Variants in PCYOX1 observed in about 807,000 individuals in gnomAD.
The protein encoded by PCYOX1 is prenylcysteine lyase.
PCYOX1 carries 46 observed loss-of-function variants against 46.4 expected under a neutral mutation model. That is an observed-to-expected ratio of 0.99 (90% confidence interval 0.78 to 1.27). PCYOX1 has a LOEUF of 1.27. PCYOX1 is among the 50% of genes most tolerant of loss of function. The pLI is 0.00. For missense variants in PCYOX1, 658 were observed against 628.3 expected, an observed-to-expected ratio of 1.05 and a Z score of -0.51; for synonymous variants, 220 against 231.8, an observed-to-expected ratio of 0.95 and a Z score of 0.46.
In PCYOX1 at chr2:70,278,719, C is replaced by T. The variant is rs1433051643; in HGVS notation, c.*1327C>T. On this transcript the variant is annotated 3_prime_UTR_variant, in exon 6 of 6. Transcript: ENST00000433351. ...TGGAATCACCTGTAGGGTTTTAAAG[C>T]ATCCAAATGGTAATTAACAGGCAGC... 2 of 152,178 alleles carry T rather than the reference C, an allele frequency of 1.3e-5. No individual in the cohort carries two copies. Among genetic ancestry groups the T allele is most frequent in the Non-Finnish European group, 2.9e-5 (2 of 68,042 alleles). 9.4% of individuals were successfully genotyped at this position (152,178 alleles called of 1,614,324 possible). A position where few individuals can be genotyped will look rare whatever the true frequency, so the allele number is the denominator to read the frequency against.
intron 3 of PCYOX1, among the ~76,000 whole-genome samples, chr2:70,269,810 C>G (rs919454314): frequency 6.6e-6 from 1 of 151,984 alleles, no homozygotes; most frequent in Non-Finnish European, 1.5e-5. Flanking sequence ...TAAAGACAAG[C>G]CTTCAGGATA....
In PCYOX1 at chr2:70,259,441, T is replaced by A. The variant is rs1305410522; in HGVS notation, c.194T>A (p.Leu65Gln). The change falls in exon 2 of 6, where the codon CTG (leucine) becomes CAG (glutamine). Residue 65 changes from leucine to glutamine, a missense_variant. Coordinates refer to ENST00000433351, the MANE Select transcript of PCYOX1 (RefSeq NM_016297.4). Reference sequence around the variant, plus strand: ...TTTGGGAAAGATGTGAAGATAGACCTGTTTGAAAGAGAAGAGGTCGGGGGC... The same window carrying A: ...TTTGGGAAAGATGTGAAGATAGACCAGTTTGAAAGAGAAGAGGTCGGGGGC... ...QKFGKDVKIDLFEREEVGGRL... is the reference protein window; with the variant it reads ...QKFGKDVKIDQFEREEVGGRL... 1 of 1,614,130 alleles carries A rather than the reference T, an allele frequency of 6.2e-7. No individual in the cohort carries two copies. The highest frequency in any genetic ancestry group is 1.1e-5 in the South Asian group (1 of 91,084).
chr2:70,258,368 C>T (rs998558278), intron 1 of PCYOX1, 92 bp downstream of exon 1: 2 of 783,500 alleles, frequency 2.6e-6, no homozygotes, highest in Admixed American at 3.4e-5. Context: ...ACAGCCGCGA[C>T]GCAGTCCAGC....
chr2:70,270,341 G>A (rs1171134243), intron 3 of PCYOX1, among the ~76,000 whole-genome samples: 1 of 152,114 alleles, frequency 6.6e-6, no homozygotes, highest in African/African-American at 2.4e-5. Flanking sequence ...AAAGGCTTTG[G>A]TTTATCTGCA....
Position 70,261,320 on chromosome 2 carries a change from G to A in PCYOX1, c.428G>A (p.Trp143Ter). The A allele has an allele frequency of 6.2e-7, 1 of 1,612,150 alleles. No individual in the cohort carries two copies. The highest frequency in any genetic ancestry group is 8.5e-7 in the Non-Finnish European group (1 of 1,178,170). ...ATAATTAACGTGATTAAATTAGTTTGGCGCTATGGATTTCAATCCCTCCGT... is the reference window on the plus strand; with the variant it reads ...ATAATTAACGTGATTAAATTAGTTTAGCGCTATGGATTTCAATCCCTCCGT... Reference protein sequence around the residue: ...WFIINVIKLVWRYGFQSLRMH... With the variant: ...WFIINVIKLV The change falls in exon 3 of 6, where the codon TGG becomes TAG. Residue 143 changes from tryptophan (W) to a stop codon, truncating the protein, a stop_gained. Coordinates refer to ENST00000433351, the MANE Select transcript of PCYOX1 (RefSeq NM_016297.4). LOFTEE classifies it high-confidence loss of function.
chr2:70,275,430 G>T, intron 4 of PCYOX1, 84 bp from the exon 5 acceptor site: 1 of 1,381,346 alleles, frequency 7.2e-7, no homozygotes, highest in Non-Finnish European at 1.0e-6. Flanking sequence ...ATTTGGAGTA[G>T]AACATGTAAT....
intron 3 of PCYOX1, among the ~76,000 whole-genome samples, chr2:70,274,378 A>G (rs1696638779): frequency 6.6e-6 from 1 of 151,072 alleles, no homozygotes; most frequent in Non-Finnish European, 1.5e-5. Context: ...TTGTATTTTT[A>G]GTAGAGACGG....
chr2:70,275,402 T>G, intron 4 of PCYOX1, 112 bp from the exon 5 acceptor site: 4 of 1,161,652 alleles, frequency 3.4e-6, no homozygotes, highest in Non-Finnish European at 5.0e-6. Context: ...CAGGGGCCAT[T>G]TAGCAATGTC....
At chr2:70,276,446 T>C (rs1172810386) in intron 5 of PCYOX1, among the ~76,000 whole-genome samples, 6 of 152,188 alleles carry the variant, frequency 3.9e-5, no homozygotes, top group African/African-American at 1.4e-4. Context: ...GACCTCGTGA[T>C]CCACCCACCT....
chr2:70,261,487 C>A, intron 3 of PCYOX1, 101 bp downstream of exon 3: 1 of 803,112 alleles, frequency 1.2e-6, no homozygotes, highest in East Asian at 2.5e-5. Flanking sequence ...CATTTTCTAC[C>A]TCACAGCAAG....
intron 3 of PCYOX1, among the ~76,000 whole-genome samples, chr2:70,272,053 G>T (rs979457968): frequency 6.6e-6 from 1 of 151,790 alleles, no homozygotes; most frequent in African/African-American, 2.4e-5. Context: ...CCAGAAAATG[G>T]CATGGTTTTT....
intron 3 of PCYOX1, among the ~76,000 whole-genome samples, chr2:70,265,028 C>G (rs948546313): frequency 6.6e-6 from 1 of 151,940 alleles, no homozygotes; most frequent in African/African-American, 2.4e-5. Flanking sequence ...CGAAAGAGGG[C>G]TCAAGCTTGT....
Position 70,280,731 on chromosome 2 carries a change from T to G in PCYOX1, c.*3339T>G, listed in dbSNP as rs1361597619. The G allele has an allele frequency of 2.0e-5, 3 of 152,216 alleles. No homozygotes were observed. Among genetic ancestry groups the G allele is most frequent in the Non-Finnish European group, 4.4e-5 (3 of 68,036 alleles). The allele number at this position is 152,216 out of a possible 1,614,324, so 9.4% of individuals were successfully genotyped here. ...CCTTATTGATTGTTAGTTTGATCCC[T>G]CTTGTTCTTTTGTTGTAAACATTTT... On this transcript the variant is annotated 3_prime_UTR_variant, in exon 6 of 6. Coordinates refer to ENST00000433351, the MANE Select transcript of PCYOX1 (RefSeq NM_016297.4).
intron 3 of PCYOX1, among the ~76,000 whole-genome samples, chr2:70,271,095 ACT>A (rs1696594577): frequency 6.6e-6 from 1 of 150,382 alleles, no homozygotes; most frequent in African/African-American, 2.5e-5. Context: ...ACAAGGTCTC[ACT>A]CTGTTGCCCA....
chr2:70,261,665 TGGTA>T (rs1029421902), intron 3 of PCYOX1, among the ~76,000 whole-genome samples: 1 of 152,242 alleles, frequency 6.6e-6, no homozygotes, highest in Admixed American at 6.5e-5. Context: ...CAACTTACTC[TGGTA>T]GGTACTGTTT....
intron 1 of PCYOX1, 149 bp from the exon 2 acceptor site, chr2:70,259,211 C>T (rs1696393452): frequency 1.5e-6 from 1 of 676,402 alleles, no homozygotes; most frequent in Non-Finnish European, 2.6e-6. Context: ...GGGAGTTAGA[C>T]CTTCGCTGCA....
chr2:70,263,994 ACT>A (rs1246509947), intron 3 of PCYOX1, among the ~76,000 whole-genome samples: 2 of 80,634 alleles, frequency 2.5e-5, no homozygotes, highest in East Asian at 3.3e-4. Flanking sequence ...TACAGGTCTC[ACT>A]CTGTCACCCA....
At chr2:70,270,121 A>G (rs571544061) in intron 3 of PCYOX1, among the ~76,000 whole-genome samples, 1 of 152,036 alleles carries the variant, frequency 6.6e-6, no homozygotes, top group African/African-American at 2.4e-5. Context: ...CAGCCTCCTG[A>G]ATAGCTGGGA....
rs1256801742 is a variant in PCYOX1, at chr2:70,259,580, G to T, written c.319+14G>T. 4 of 1,583,716 alleles carry T rather than the reference G, an allele frequency of 2.5e-6. No homozygotes were observed. Among genetic ancestry groups the T allele is most frequent in the African/African-American group, 1.3e-5 (1 of 74,328 alleles). Reference sequence around the variant, plus strand: ...TCAAAGACCTGGGTATGTAATTTTGGTCTTGGAGCTCACCAGATTACTGTG... The same window carrying T: ...TCAAAGACCTGGGTATGTAATTTTGTTCTTGGAGCTCACCAGATTACTGTG... On this transcript the variant is annotated intron_variant, in intron 2 of 5. Transcript: ENST00000433351.
Sources: allele counts gnomAD v4.1 joint callset (sites outside exome capture counted in the v4.1 genomes callset), GRCh38; gene constraint gnomAD v4.1.1; transcripts MANE v1.5; gene names NCBI Gene and HGNC (gene_info 2026-07-23, HGNC 2026-07-21).